ZFP2: variants seen among roughly 807,000 people sequenced by gnomAD.
ZFP2 encodes zinc finger protein ZFP2.
A neutral mutation model predicts 36.1 loss-of-function variants in ZFP2; 33 were observed. That is an observed-to-expected ratio of 0.92 (90% confidence interval 0.69 to 1.22). ZFP2 has a LOEUF of 1.22. Among genes scored for constraint, ZFP2 ranks in the 50% most tolerant of loss-of-function variants. The probability of loss-of-function intolerance (pLI) is 0.00; values close to 1 mark genes in which losing one functional copy is unlikely to be tolerated. For missense variants in ZFP2, 522 were observed against 551.4 expected (o/e 0.95, Z 0.53); for synonymous variants, 170 against 178.0 (o/e 0.96, Z 0.36).
chr5:178,920,363 G>C (rs1346097436), intron 4 of ZFP2, among the ~76,000 whole-genome samples: 1 of 152,152 alleles, frequency 6.6e-6, no homozygotes, highest in Non-Finnish European at 1.5e-5. Flanking sequence ...GTAGGGCTAG[G>C]TGTGGTGGCT....
chr5:178,913,276 T>C (rs1276057190), intron 3 of ZFP2, among the ~76,000 whole-genome samples: 1 of 152,174 alleles, frequency 6.6e-6, no homozygotes, highest in Admixed American at 6.5e-5. Context: ...TAAATGAGTT[T>C]TTACATTTAT....
chr5:178,925,046 T>C (rs74506731), intron 4 of ZFP2, among the ~76,000 whole-genome samples: 6,918 of 146,318 alleles, frequency 0.047, 702 homozygotes, highest in African/African-American at 0.16. Context: ...TTGCCATTTA[T>C]CATTGAATCT....
intron 4 of ZFP2, among the ~76,000 whole-genome samples, chr5:178,919,546 TC>T (rs548075316): frequency 2.6e-5 from 4 of 152,358 alleles, no homozygotes; most frequent in Admixed American, 2.0e-4. Context: ...TTAATCCACT[TC>T]CTTCTGGCAT....
chr5:178,928,682 A>G (rs1758749001), intron 4 of ZFP2, among the ~76,000 whole-genome samples: 1 of 152,148 alleles, frequency 6.6e-6, no homozygotes, highest in African/African-American at 2.4e-5. Context: ...TTGTAGTTGA[A>G]TGTCTCTGGC....
intron 1 of ZFP2, among the ~76,000 whole-genome samples, chr5:178,902,784 A>C (rs1250632714): frequency 6.6e-6 from 1 of 152,228 alleles, no homozygotes. Context: ...ATGACTACAA[A>C]AGCCCATAAA....
Position 178,931,446 on chromosome 5 carries a change from G to A in ZFP2, c.133G>A (p.Val45Ile). 1 of 1,614,134 alleles carries A rather than the reference G, an allele frequency of 6.2e-7. No individual in the cohort carries two copies. The highest frequency in any genetic ancestry group is 8.5e-7 in the Non-Finnish European group (1 of 1,180,024). ...THKETFTEMRVCGGNEFERCS... is the reference protein window; with the variant it reads ...THKETFTEMRICGGNEFERCS... ...TAAGGAAACCTTCACTGAGATGAGA[G>A]TATGTGGAGGTAATGAATTTGAAAG... The change falls in exon 5 of 5, where the codon GTA becomes ATA. Residue 45 changes from valine to isoleucine, a missense_variant. Physicochemically the swap from Val to Ile is conservative, Grantham distance 29. Coordinates refer to ENST00000361362, the MANE Select transcript of ZFP2 (RefSeq NM_030613.4).
chr5:178,913,192 C>T (rs922336895), intron 3 of ZFP2, 121 bp downstream of exon 3: 3 of 376,050 alleles, frequency 8.0e-6, no homozygotes, highest in Non-Finnish European at 1.1e-5. Context: ...ATGACACCTC[C>T]GCATTACTGA....
chr5:178,932,703 A>G lies in ZFP2; in HGVS notation c.*4A>G, dbSNP rs1472487016. On this transcript the variant is annotated 3_prime_UTR_variant, in exon 5 of 5. Transcript: ENST00000361362. Reference sequence around the variant, plus strand: ...ACATCAAAGAACTCATACGTGAGGAATGTTTTCACTGGCCCTTACCTCATG... The same window carrying G: ...ACATCAAAGAACTCATACGTGAGGAGTGTTTTCACTGGCCCTTACCTCATG... The G allele has an allele frequency of 3.2e-6, 5 of 1,581,494 alleles. No individual in the cohort carries two copies. In the African/African-American group the frequency reaches 5.4e-5, roughly 17 times the overall value.
intron 1 of ZFP2, among the ~76,000 whole-genome samples, chr5:178,898,532 G>A (rs1254724059): frequency 3.3e-5 from 5 of 152,190 alleles, no homozygotes; most frequent in African/African-American, 1.2e-4. Context: ...TTTCATTGTT[G>A]CTGTTGCAGG....
At position 178,912,701 on chromosome 5, in the gene ZFP2, A is replaced by G; in HGVS notation, c.-332A>G. 1 of 1,064,252 alleles carries G rather than the reference A, an allele frequency of 9.4e-7. No individual in the cohort carries two copies. The allele number at this position is 1,064,252 out of a possible 1,614,324, so 65.9% of individuals were successfully genotyped here. A position where few individuals can be genotyped will look rare whatever the true frequency, so the allele number is the denominator to read the frequency against. ...TGGGGAGGTGATGCTGGAGAACTAC[A>G]GGAACCCGGTCTCACTGGGTAAGGA... On this transcript the variant is annotated 5_prime_UTR_variant, in exon 2 of 5. Transcript: ENST00000361362.
At chr5:178,928,732 A>C (rs1442610597) in intron 4 of ZFP2, among the ~76,000 whole-genome samples, 2 of 152,180 alleles carry the variant, frequency 1.3e-5, no homozygotes, top group Non-Finnish European at 2.9e-5. Flanking sequence ...TGCATCTTAC[A>C]TTCTGGAGTC....
intron 4 of ZFP2, among the ~76,000 whole-genome samples, chr5:178,920,612 G>C (rs962694936): frequency 6.6e-6 from 1 of 151,588 alleles, no homozygotes; most frequent in African/African-American, 2.4e-5. Context: ...ACTCCAGCTT[G>C]GGCAACAGAG....
chr5:178,914,316 C>G (rs1305558445), intron 3 of ZFP2, among the ~76,000 whole-genome samples: 2 of 152,104 alleles, frequency 1.3e-5, no homozygotes, highest in African/African-American at 2.4e-5. Flanking sequence ...TGGTTTCCCA[C>G]AAGTTTTTTT....
chr5:178,903,539 A>G (rs770985838), intron 1 of ZFP2, among the ~76,000 whole-genome samples: 1 of 152,204 alleles, frequency 6.6e-6, no homozygotes. Flanking sequence ...TATAAAGTGG[A>G]TAGTATTCCT....
chr5:178,907,016 A>T (rs991876364), intron 1 of ZFP2, among the ~76,000 whole-genome samples: 1 of 152,182 alleles, frequency 6.6e-6, no homozygotes, highest in Non-Finnish European at 1.5e-5. Flanking sequence ...AAATAACAGG[A>T]GGATCCTCTA....
intron 4 of ZFP2, among the ~76,000 whole-genome samples, chr5:178,919,967 G>GA (rs34629379): frequency 4.3e-4 from 62 of 145,640 alleles, no homozygotes; most frequent in South Asian, 8.7e-4. Context: ...TGTCTCAAAA[G>GA]AAAAAAAAAA....
At chr5:178,907,993 A>G (rs1216146237) in intron 1 of ZFP2, among the ~76,000 whole-genome samples, 1 of 152,172 alleles carries the variant, frequency 6.6e-6, no homozygotes, top group African/African-American at 2.4e-5. Context: ...GCAAGAAGTG[A>G]GGGAAATCAG....
intron 1 of ZFP2, among the ~76,000 whole-genome samples, chr5:178,906,136 C>T (rs924478902): frequency 2.0e-5 from 3 of 152,160 alleles, no homozygotes; most frequent in African/African-American, 7.2e-5. Context: ...ATCTGCAGTG[C>T]ATTTCACAAT....
chr5:178,903,563 C>T (rs1758101801), intron 1 of ZFP2, among the ~76,000 whole-genome samples: 1 of 152,078 alleles, frequency 6.6e-6, no homozygotes, highest in African/African-American at 2.4e-5. Context: ...CTATACGTTG[C>T]CAGTATTCTG....
Sources: gnomAD v4.1 joint callset for allele counts (sites outside exome capture counted in the v4.1 genomes callset) on GRCh38, gnomAD v4.1.1 for gene constraint, MANE v1.5 for transcripts, NCBI Gene and HGNC (gene_info 2026-07-23, HGNC 2026-07-21) for gene names.